KCNAB1: variants seen among roughly 807,000 people sequenced by gnomAD.
KCNAB1 encodes potassium voltage-gated channel subfamily A regulatory beta subunit 1.
A neutral mutation model predicts 64.6 loss-of-function variants in KCNAB1; 35 were observed. The ratio of observed to expected loss-of-function variants is 0.54; its 90% CI spans 0.41 to 0.72. KCNAB1 has a LOEUF of 0.72. KCNAB1 is among the 30% of genes least tolerant of loss of function. KCNAB1 has a pLI of 0.00. For missense variants in KCNAB1, 401 were observed against 512.9 expected (o/e 0.78, Z 2.11); for synonymous variants, 177 against 183.8 (o/e 0.96, Z 0.30).
At chr3:156,235,864 C>A (rs1365871661) in intron 1 of KCNAB1, among the ~76,000 whole-genome samples, 1 of 152,124 alleles carries the variant, frequency 6.6e-6, no homozygotes, top group Non-Finnish European at 1.5e-5. Flanking sequence ...ACTACAGAAT[C>A]AGAGTCTCTG....
chr3:156,361,116 C>T (rs1319656742), intron 1 of KCNAB1, among the ~76,000 whole-genome samples: 1 of 152,294 alleles, frequency 6.6e-6, no homozygotes, highest in East Asian at 1.9e-4. Flanking sequence ...CATGCTCTGA[C>T]ACTTCAATTC....
At chr3:156,331,332 C>G (rs1414604214) in intron 1 of KCNAB1, among the ~76,000 whole-genome samples, 2 of 152,138 alleles carry the variant, frequency 1.3e-5, no homozygotes, top group Non-Finnish European at 2.9e-5. Context: ...TGGAAAAAAT[C>G]AGGGGTGGTG....
chr3:156,216,513 T>C (rs538865075), intron 1 of KCNAB1, among the ~76,000 whole-genome samples: 2 of 152,234 alleles, frequency 1.3e-5, no homozygotes, highest in Non-Finnish European at 2.9e-5. Context: ...ATAAGCTAGA[T>C]AACTTGTTTA....
chr3:156,518,383 A>T (rs1031350577), intron 11 of KCNAB1, among the ~76,000 whole-genome samples: 5 of 152,100 alleles, frequency 3.3e-5, no homozygotes, highest in African/African-American at 9.7e-5. Context: ...TCGTTACCAG[A>T]GCAAAAAAAT....
At chr3:156,470,573 G>A (rs968452951) in intron 7 of KCNAB1, among the ~76,000 whole-genome samples, 3 of 152,172 alleles carry the variant, frequency 2.0e-5, no homozygotes, top group Non-Finnish European at 2.9e-5. Flanking sequence ...AGTTTGGTAG[G>A]TCACCAAGTA....
At chr3:156,430,455 A>C (rs1279972888) in intron 2 of KCNAB1, among the ~76,000 whole-genome samples, 3 of 152,222 alleles carry the variant, frequency 2.0e-5, no homozygotes, top group Non-Finnish European at 4.4e-5. Context: ...ACCATTAGTA[A>C]TGGGGGACAA....
chr3:156,319,588 G>A (rs938697836), intron 1 of KCNAB1, among the ~76,000 whole-genome samples: 23 of 152,214 alleles, frequency 1.5e-4, no homozygotes, highest in African/African-American at 5.5e-4. Context: ...CTGGTGAACA[G>A]TGCTGTTGAT....
intron 1 of KCNAB1, among the ~76,000 whole-genome samples, chr3:156,414,299 T>C (rs1043016015): frequency 1.3e-5 from 2 of 152,236 alleles, no homozygotes; most frequent in Non-Finnish European, 2.9e-5. Context: ...TGGAAAGAGC[T>C]TTAAATAACA....
At chr3:156,410,792 G>A (rs773122303) in intron 1 of KCNAB1, among the ~76,000 whole-genome samples, 3 of 152,136 alleles carry the variant, frequency 2.0e-5, no homozygotes, top group Admixed American at 6.5e-5. Context: ...TTTTATTGCC[G>A]AGTAGTATTC....
At chr3:156,407,113 G>A (rs920448454) in intron 1 of KCNAB1, among the ~76,000 whole-genome samples, 7 of 152,202 alleles carry the variant, frequency 4.6e-5, no homozygotes, top group African/African-American at 1.7e-4. Flanking sequence ...GTGATTGAGA[G>A]GGGTTAAGCT....
At chr3:156,374,195 G>A (rs1255400025) in intron 1 of KCNAB1, among the ~76,000 whole-genome samples, 1 of 152,186 alleles carries the variant, frequency 6.6e-6, no homozygotes, top group Non-Finnish European at 1.5e-5. Context: ...GTGGCCTCAG[G>A]AAACTCACTT....
At chr3:156,386,564 T>C (rs1478286150) in intron 1 of KCNAB1, among the ~76,000 whole-genome samples, 2 of 152,180 alleles carry the variant, frequency 1.3e-5, no homozygotes, top group Admixed American at 6.5e-5. Context: ...TTATCACTTT[T>C]AGAGAGGCAA....
At chr3:156,203,794 A>G (rs537180706) in intron 1 of KCNAB1, among the ~76,000 whole-genome samples, 15 of 152,288 alleles carry the variant, frequency 9.8e-5, no homozygotes, top group Admixed American at 3.3e-4. Flanking sequence ...TCTATCAAAT[A>G]TATGTTTTTC....
At chr3:156,156,012 G>A (rs781735936) in intron 1 of KCNAB1, among the ~76,000 whole-genome samples, 8 of 152,098 alleles carry the variant, frequency 5.3e-5, no homozygotes, top group African/African-American at 9.7e-5. Flanking sequence ...ATTTGGGTTT[G>A]GCCATGTAGA....
At chr3:156,206,269 C>T (rs964342980) in intron 1 of KCNAB1, among the ~76,000 whole-genome samples, 7 of 152,204 alleles carry the variant, frequency 4.6e-5, no homozygotes, top group African/African-American at 1.7e-4. Flanking sequence ...ATGGCTCTCA[C>T]TGACTTAAGA....
chr3:156,330,684 G>A (rs1375926), intron 1 of KCNAB1, among the ~76,000 whole-genome samples: 88,772 of 151,922 alleles, frequency 0.58, 28,552 homozygotes, highest in African/African-American at 0.88. Context: ...TTTCCCTAAG[G>A]CAATGCCTGA....
At chr3:156,193,467 A>G (rs1394417245) in intron 1 of KCNAB1, among the ~76,000 whole-genome samples, 1 of 152,140 alleles carries the variant, frequency 6.6e-6, no homozygotes, top group Non-Finnish European at 1.5e-5. Flanking sequence ...AAGTGGGTGT[A>G]TTAGTCTGTT....
intron 1 of KCNAB1, among the ~76,000 whole-genome samples, chr3:156,394,720 A>C (rs1180981312): frequency 6.6e-5 from 10 of 152,238 alleles, no homozygotes; most frequent in Admixed American, 6.5e-4. Flanking sequence ...CAGTTGCTGC[A>C]TTTATCCTAG....
At chr3:156,243,602 A>G (rs1172932507) in intron 1 of KCNAB1, among the ~76,000 whole-genome samples, 1 of 152,222 alleles carries the variant, frequency 6.6e-6, no homozygotes, top group African/African-American at 2.4e-5. Flanking sequence ...GCTTGTTGAC[A>G]TTGAACTTTG....
Sources: gnomAD v4.1 joint callset for allele counts (sites outside exome capture counted in the v4.1 genomes callset) on GRCh38, gnomAD v4.1.1 for gene constraint, MANE v1.5 for transcripts, NCBI Gene and HGNC (gene_info 2026-07-23, HGNC 2026-07-21) for gene names.